WSCD1: variants seen among roughly 807,000 people sequenced by gnomAD.
WSCD1 encodes the protein sialate:O-sulfotransferase 1.
In WSCD1, 41 loss-of-function variants were observed where a neutral mutation model predicts 60.4. That is an observed-to-expected ratio of 0.68 (90% confidence interval 0.53 to 0.88). The LOEUF is 0.88. Among genes scored for constraint, WSCD1 ranks in the 40% least tolerant of loss-of-function variants. WSCD1 has a pLI of 0.00. For missense variants in WSCD1, 784 were observed against 796.2 expected (o/e 0.98, Z 0.18); for synonymous variants, 361 against 332.5 (o/e 1.09, Z -0.93).
At chr17:6,087,929 T>A in intron 2 of WSCD1, 61 bp from the exon 3 acceptor site, 1 of 1,417,876 alleles carries the variant, frequency 7.1e-7, no homozygotes, top group Admixed American at 1.7e-5. Context: ...CCCTGGCTTT[T>A]CCTAAGGGTG....
intron 7 of WSCD1, among the ~76,000 whole-genome samples, chr17:6,115,908 A>G (rs1717931708): frequency 6.6e-6 from 1 of 152,102 alleles, no homozygotes; most frequent in African/African-American, 2.4e-5. Flanking sequence ...TTTTCTCTGG[A>G]TTTCTTAACC....
chr17:6,072,646 C>T (rs756863916), intron 1 of WSCD1, among the ~76,000 whole-genome samples: 13 of 152,224 alleles, frequency 8.5e-5, no homozygotes, highest in Non-Finnish European at 1.8e-4. Context: ...ATCATATACA[C>T]TAGCAGGGCC....
chr17:6,105,375 T>A (rs1410677497), intron 5 of WSCD1, among the ~76,000 whole-genome samples: 1 of 152,254 alleles, frequency 6.6e-6, no homozygotes, highest in Non-Finnish European at 1.5e-5. Flanking sequence ...CTTGTATTCT[T>A]GGATCCTTTT....
chr17:6,069,431 GAGAGA>G (rs1567546326), upstream of WSCD1: 1,329 of 46,294 alleles, frequency 0.029, 14 homozygotes, highest in African/African-American at 0.091. Flanking sequence ...GTGTGTGTGA[GAGAGA>G]GAGAGAGAGA....
At chr17:6,079,025 G>A (rs1228291299) in intron 1 of WSCD1, among the ~76,000 whole-genome samples, 1 of 152,074 alleles carries the variant, frequency 6.6e-6, no homozygotes, top group African/African-American at 2.4e-5. Flanking sequence ...TGCTACCTCC[G>A]CCCCAGCCTA....
chr17:6,115,501 G>A (rs1911642344), intron 7 of WSCD1, among the ~76,000 whole-genome samples: 2 of 145,838 alleles, frequency 1.4e-5, no homozygotes, highest in Admixed American at 6.9e-5. Flanking sequence ...AAGTCCATTG[G>A]CATCAAATTT....
At chr17:6,090,210 C>CA (rs66998605) in intron 3 of WSCD1, 111 bp from the exon 4 acceptor site, 1,519 of 1,162,870 alleles carry the variant, frequency 1.3e-3, no homozygotes, top group African/African-American at 3.8e-3. Flanking sequence ...AAACAAAAAA[C>CA]AAAAAAAAAA....
chr17:6,077,333 C>T (rs991677128), intron 1 of WSCD1, among the ~76,000 whole-genome samples: 13 of 151,734 alleles, frequency 8.6e-5, no homozygotes, highest in African/African-American at 2.7e-4. Context: ...GTGATCCACC[C>T]GCCTCGGCCT....
intron 4 of WSCD1, among the ~76,000 whole-genome samples, chr17:6,094,794 G>A (rs914665650): frequency 6.6e-6 from 1 of 150,852 alleles, no homozygotes. Context: ...AAGGAAGGGA[G>A]GAAGGGAGGG....
chr17:6,098,816 G>A (rs1024555909), intron 5 of WSCD1, among the ~76,000 whole-genome samples: 2 of 152,224 alleles, frequency 1.3e-5, no homozygotes, highest in African/African-American at 2.4e-5. Flanking sequence ...TGAGACGGTG[G>A]GCACAGCCAG....
upstream of WSCD1, among the ~76,000 whole-genome samples, chr17:6,069,778 TGTGTGTGTGTGTGTGTGTGTGTGCGTGC>T (rs1431791467): frequency 1.1e-5 from 1 of 87,344 alleles, no homozygotes; most frequent in African/African-American, 6.0e-5. Context: ...TGATCCGGTG[TGTGTGTGTGTGTGTGTGTGTGTGCGTGC>T]GTGTGTGGTG....
At chr17:6,072,374 C>T (rs1908596402) in intron 1 of WSCD1, among the ~76,000 whole-genome samples, 1 of 152,232 alleles carries the variant, frequency 6.6e-6, no homozygotes, top group East Asian at 1.9e-4. Context: ...ATGGCATCAG[C>T]CTGAGCAGGC....
chr17:6,108,893 C>A (rs1446750574), intron 5 of WSCD1, among the ~76,000 whole-genome samples: 1 of 152,188 alleles, frequency 6.6e-6, no homozygotes, highest in Non-Finnish European at 1.5e-5. Flanking sequence ...GGGCCCCCCT[C>A]CATTTTGAAG....
At chr17:6,111,634 G>C (rs767740958) in intron 7 of WSCD1, among the ~76,000 whole-genome samples, 4 of 147,234 alleles carry the variant, frequency 2.7e-5, no homozygotes, top group Non-Finnish European at 6.0e-5. Context: ...CTGGGAGGCA[G>C]AGGTTGCAGT....
In WSCD1 at chr17:6,083,639, C is replaced by T. The variant is rs565606692; in HGVS notation, c.427+2554C>T. On this transcript the variant is annotated intron_variant, in intron 2 of 8. Coordinates refer to ENST00000317744, the MANE Select transcript of WSCD1 (RefSeq NM_015253.2). The stretch of plus-strand genomic sequence containing the variant: ...ACTAAAAATACAAAAATTAGCCAGG[C>T]GTGGTGGCACGTGCCTGTAATTCCA... Among the ~76,000 whole-genome samples the T allele has an allele frequency of 2.6e-5, 4 of 152,136 alleles. No individual in the cohort carries two copies. The East Asian group carries it at 7.7e-4, about 29-fold the overall frequency.
At chr17:6,107,179 A>G (rs947512724) in intron 5 of WSCD1, among the ~76,000 whole-genome samples, 1 of 152,048 alleles carries the variant, frequency 6.6e-6, no homozygotes. Context: ...CTCTTCTTGT[A>G]AGGACCTTTG....
rs1909162457 is a variant in WSCD1 at position 6,080,532 on chromosome 17, G to T, written c.-127G>T. ...GGGGCAGGAACAGTGAGTGACCCCAGGCGAGCACAGGCAGGTGCCAGGAGC... is the reference window on the plus strand; with the variant it reads ...GGGGCAGGAACAGTGAGTGACCCCATGCGAGCACAGGCAGGTGCCAGGAGC... On this transcript the variant is annotated 5_prime_UTR_variant, in exon 2 of 9. In the 5' UTR this introduces an upstream ATG that the reference lacks. Coordinates refer to ENST00000317744, the MANE Select transcript of WSCD1 (RefSeq NM_015253.2). The surrounding 1 kb of genome is among the most constrained non-coding windows in gnomAD (Gnocchi z 6.6). 4.1e-6 allele frequency: 4 copies of T among 968,946 alleles called. No individual in the cohort carries two copies. The South Asian group carries it at 6.3e-5, about 15-fold the overall frequency. The allele number at this position is 968,946 out of a possible 1,614,324, so 60.0% of individuals were successfully genotyped here. A position where few individuals can be genotyped will look rare whatever the true frequency, so the allele number is the denominator to read the frequency against.
intron 5 of WSCD1, among the ~76,000 whole-genome samples, chr17:6,096,057 C>T (rs1479815811): frequency 1.3e-5 from 2 of 152,192 alleles, no homozygotes; most frequent in Non-Finnish European, 2.9e-5. Context: ...ACGATTATGA[C>T]AATCAACAGA....
Position 6,124,347 on chromosome 17 carries a change from A to G in WSCD1, c.*3686A>G, listed in dbSNP as rs1904883076. 1 of 152,250 alleles carries G rather than the reference A, an allele frequency of 6.6e-6. No individual in the cohort carries two copies. 9.4% of individuals were successfully genotyped at this position (152,250 alleles called of 1,614,324 possible). ...GTCCTTGGTGAAATTGTTTAAGTAC[A>G]GGATCAAGCCTTGCTTGAGATTGGC... On this transcript the variant is annotated 3_prime_UTR_variant, in exon 9 of 9. Transcript: ENST00000317744.
Sources: allele counts gnomAD v4.1 joint callset (sites outside exome capture counted in the v4.1 genomes callset), GRCh38; gene constraint gnomAD v4.1.1; non-coding constraint Gnocchi (gnomAD v3.1); transcripts MANE v1.5; gene names NCBI Gene and HGNC (gene_info 2026-07-23, HGNC 2026-07-21).